Variants in RNF212 observed in about 807,000 individuals in gnomAD.
RNF212 encodes the protein ring finger protein 212, also known as probable E3 SUMO-protein ligase RNF212.
A neutral mutation model predicts 34.7 loss-of-function variants in RNF212; 33 were observed. That is an observed-to-expected ratio of 0.95 (90% CI 0.72 to 1.27). The LOEUF (loss-of-function observed/expected upper bound fraction) is 1.27. Ranked by LOEUF, RNF212 falls within the 50% of genes most tolerant of loss-of-function variation. The probability of loss-of-function intolerance (pLI) is 0.00; values close to 1 mark genes in which losing one functional copy is unlikely to be tolerated. For missense variants in RNF212, 377 were observed against 362.2 expected, an observed-to-expected ratio of 1.04 and a Z score of -0.33; for synonymous variants, 140 against 136.1, an observed-to-expected ratio of 1.03 and a Z score of -0.20.
chr4:1,089,609 G>A (rs986400134), intron 4 of RNF212, among the ~76,000 whole-genome samples: 1 of 152,156 alleles, frequency 6.6e-6, no homozygotes, highest in African/African-American at 2.4e-5. Context: ...GGGGCCAGGG[G>A]TGGAATGATG....
chr4:1,074,444 C>T (rs1718951086), intron 8 of RNF212, among the ~76,000 whole-genome samples: 1 of 152,174 alleles, frequency 6.6e-6, no homozygotes, highest in African/African-American at 2.4e-5. Flanking sequence ...TGGCTTCTGC[C>T]CCCGGCACAG....
intron 3 of RNF212, among the ~76,000 whole-genome samples, chr4:1,061,475 AC>A (rs1717744139): frequency 6.6e-6 from 1 of 152,206 alleles, no homozygotes; most frequent in African/African-American, 2.4e-5. Context: ...CTTCCCTGGA[AC>A]CCTGGCCGAC....
chr4:1,074,112 T>C (rs2153037290), intron 8 of RNF212, among the ~76,000 whole-genome samples: 1 of 152,234 alleles, frequency 6.6e-6, no homozygotes, highest in African/African-American at 2.4e-5. Flanking sequence ...GTGCCCACCC[T>C]TCACTCTATC....
At chr4:1,106,636 CAAG>C (rs1447177487) in intron 2 of RNF212, among the ~76,000 whole-genome samples, 4 of 152,094 alleles carry the variant, frequency 2.6e-5, no homozygotes, top group South Asian at 2.1e-4. Context: ...TACTAGGAAA[CAAG>C]AAAGTAAGTA....
intron 3 of RNF212, among the ~76,000 whole-genome samples, chr4:1,059,362 G>T (rs914624098): frequency 9.2e-5 from 14 of 152,254 alleles, no homozygotes; most frequent in Non-Finnish European, 1.5e-5. Context: ...ACTAGGCTGT[G>T]TGAGTGCTGC....
At chr4:1,107,300 C>T (rs1044722211) in intron 2 of RNF212, 2 of 152,070 alleles carry the variant, frequency 1.3e-5, no homozygotes, top group Admixed American at 6.6e-5. Flanking sequence ...ATCCGCCTGC[C>T]TCAGCCTCCC....
At chr4:1,090,624 G>A (rs778798617) in intron 4 of RNF212, among the ~76,000 whole-genome samples, 158 bp downstream of exon 4, 44 of 152,162 alleles carry the variant, frequency 2.9e-4, no homozygotes, top group Non-Finnish European at 5.3e-4. Context: ...CTGCTCAGAA[G>A]GAGACAGTGA....
intron 1 of RNF212, among the ~76,000 whole-genome samples, chr4:1,111,791 A>T (rs1725703244): frequency 6.6e-6 from 1 of 152,238 alleles, no homozygotes; most frequent in Admixed American, 6.5e-5. Context: ...GAGCAAGAAG[A>T]TTCACAGTAG....
chr4:1,087,628 G>C (rs915981678), intron 4 of RNF212, among the ~76,000 whole-genome samples: 3 of 151,072 alleles, frequency 2.0e-5, no homozygotes, highest in Admixed American at 6.6e-5. Context: ...ATGGGGTTGA[G>C]AGGTGACAGA....
intron 4 of RNF212, among the ~76,000 whole-genome samples, chr4:1,088,844 C>A (rs1004582042): frequency 6.6e-6 from 1 of 152,184 alleles, no homozygotes; most frequent in Non-Finnish European, 1.5e-5. Context: ...CAAGCATTGG[C>A]GGCTTCCACA....
intron 1 of RNF212, among the ~76,000 whole-genome samples, chr4:1,109,494 C>G (rs1386969244): frequency 6.6e-6 from 1 of 152,188 alleles, no homozygotes; most frequent in Non-Finnish European, 1.5e-5. Context: ...GCTTTGTCCC[C>G]TCCTCTGGGC....
intron 3 of RNF212, among the ~76,000 whole-genome samples, chr4:1,091,903 C>T (rs11723740): frequency 2.0e-4 from 31 of 152,328 alleles, no homozygotes; most frequent in Non-Finnish European, 4.0e-4. Context: ...GGTGCCACCC[C>T]GTGGGCTATG....
chr4:1,102,611 G>A lies in RNF212; in HGVS notation c.171+5732C>T, dbSNP rs528170345. On this transcript the variant is annotated intron_variant, in intron 2 of 9. Transcript: ENST00000433731. ...CAAAAAAACAAAAAAAAAACACTTT[G>A]GGAGGCTGAGGCAGGCAGATCACGA... is the stretch of plus-strand genomic sequence containing the variant. Among the ~76,000 whole-genome samples the A allele has an allele frequency of 2.6e-5, 4 of 152,108 alleles. No individual in the cohort carries two copies. The South Asian group carries it at 8.3e-4, about 32-fold the overall frequency.
intron 8 of RNF212, among the ~76,000 whole-genome samples, chr4:1,078,806 C>A (rs1719764190): frequency 6.6e-6 from 1 of 152,066 alleles, no homozygotes. Context: ...CGACATGGGA[C>A]CAACACAGGG....
Position 1,113,374 on chromosome 4 carries a change from C to T in RNF212, c.91G>A (p.Asp31Asn), listed in dbSNP as rs952153626. The change falls in exon 1 of 10, where the codon GAC becomes AAC. Residue 31 changes from aspartate (D) to asparagine (N), a missense_variant. Transcript: ENST00000433731. Reference protein sequence around the residue: ...SLTNCGHVYCDACLGKGKKNE... With the variant: ...SLTNCGHVYCNACLGKGKKNE... The stretch of plus-strand genomic sequence containing the variant: ...CCCTGACCTTTGCCGAGGCAGGCGT[C>T]GCAGTACACGTGCCCGCAGTTGGTG... The T allele has an allele frequency of 1.3e-6, 2 of 1,570,594 alleles. No homozygotes were observed. Among genetic ancestry groups the T allele is most frequent in the East Asian group, 4.9e-5 (2 of 40,526 alleles).
intron 5 of RNF212, chr4:1,081,998 C>T (rs1330919727): frequency 7.4e-6 from 2 of 270,012 alleles, no homozygotes; most frequent in African/African-American, 4.5e-5. Flanking sequence ...TGTCCATCAT[C>T]CCAACACTTT....
chr4:1,088,871 T>G (rs1014614319), intron 4 of RNF212, among the ~76,000 whole-genome samples: 23 of 152,184 alleles, frequency 1.5e-4, no homozygotes, highest in African/African-American at 5.1e-4. Flanking sequence ...TGGGCCTGCA[T>G]GTGTGCAGAG....
intron 7 of RNF212, 58 bp from the exon 8 acceptor site, chr4:1,079,746 C>A: frequency 9.0e-7 from 1 of 1,108,300 alleles, no homozygotes; most frequent in South Asian, 1.2e-5. Context: ...CTAACAACGT[C>A]AGTTGAAATA....
At chr4:1,074,368 C>T (rs2153037537) in intron 8 of RNF212, among the ~76,000 whole-genome samples, 1 of 152,316 alleles carries the variant, frequency 6.6e-6, no homozygotes, top group East Asian at 1.9e-4. Flanking sequence ...CTTGCCTCAC[C>T]CCGCTGGTCC....
Sources: allele counts gnomAD v4.1 joint callset (sites outside exome capture counted in the v4.1 genomes callset), GRCh38; gene constraint gnomAD v4.1.1; transcripts MANE v1.5; gene names NCBI Gene and HGNC (gene_info 2026-07-23, HGNC 2026-07-21).